The following SCAF11 variants were observed in gnomAD, a reference collection of about 807,000 sequenced individuals.
SCAF11 encodes SR-related CTD associated factor 11, also known as protein SCAF11.
SCAF11 carries 47 observed loss-of-function variants against 140.5 expected under a neutral mutation model. That is an observed-to-expected ratio of 0.33 (90% CI 0.26 to 0.43). The LOEUF (loss-of-function observed/expected upper bound fraction) is 0.43, where lower values mean the gene tolerates loss of function less well. SCAF11 is among the 20% of genes least tolerant of loss of function. SCAF11 has a pLI of 1.00. For synonymous variants in SCAF11, 557 were observed against 579.4 expected, an observed-to-expected ratio of 0.96 and a Z score of 0.55; for missense variants, 1,645 against 1,705.1, an observed-to-expected ratio of 0.96 and a Z score of 0.62.
At chr12:45,978,508 G>A (rs577173999) in intron 1 of SCAF11, among the ~76,000 whole-genome samples, 1 of 152,230 alleles carries the variant, frequency 6.6e-6, no homozygotes, top group East Asian at 1.9e-4. Flanking sequence ...AAAAGCAAAA[G>A]AGCAGTGAGA....
intron 3 of SCAF11, among the ~76,000 whole-genome samples, chr12:45,958,772 G>A (rs1170816193): frequency 3.3e-5 from 5 of 152,266 alleles, no homozygotes; most frequent in Non-Finnish European, 5.9e-5. Flanking sequence ...AGAGGATTCT[G>A]ACATACCCAA....
intron 1 of SCAF11, among the ~76,000 whole-genome samples, chr12:45,986,091 T>C (rs963037741): frequency 2.0e-5 from 3 of 152,170 alleles, no homozygotes; most frequent in Non-Finnish European, 2.9e-5. Context: ...TAGGCCTTTT[T>C]TCCCCCAAGT....
intron 5 of SCAF11, among the ~76,000 whole-genome samples, 186 bp downstream of exon 5, chr12:45,948,251 A>G (rs1945470893): frequency 6.6e-6 from 1 of 152,080 alleles, no homozygotes; most frequent in Admixed American, 6.6e-5. Flanking sequence ...TTCTTCACCA[A>G]AAACAGAGTA....
Position 45,961,783 on chromosome 12 carries a change from T to A in SCAF11, c.136A>T (p.Asn46Tyr), listed in dbSNP as rs561166281. The change falls in exon 3 of 15, where the codon AAT becomes TAT. Residue 46 changes from asparagine to tyrosine, a missense_variant. Physicochemically the swap from Asn to Tyr is moderately radical, Grantham distance 143. This residue lies in a region of SCAF11 where 1,582 missense variants were observed against 1,609.2 expected (regional missense o/e 0.98). Coordinates refer to ENST00000369367, the MANE Select transcript of SCAF11 (RefSeq NM_004719.3). ...SEADRCPICL[N>Y]CLLEKEVGFP... ...CCAACTTCCTTTTCTAATAGACAAT[T>A]AAGACATATTGGGCATCTGTCAGCC... 3 of 1,612,952 alleles carry A rather than the reference T, an allele frequency of 1.9e-6. No homozygotes were observed. In the African/African-American group the frequency reaches 4.0e-5, roughly 22 times the overall value.
At chr12:45,974,420 C>T (rs1266677616) in intron 1 of SCAF11, 1 of 328,906 alleles carries the variant, frequency 3.0e-6, no homozygotes, top group East Asian at 7.6e-5. Context: ...TGCTATTTGA[C>T]AGCATTTTAT....
At chr12:45,940,231 T>C (rs1945265732) in intron 6 of SCAF11, among the ~76,000 whole-genome samples, 1 of 152,196 alleles carries the variant, frequency 6.6e-6, no homozygotes, top group Non-Finnish European at 1.5e-5. Context: ...ATTTATGACC[T>C]TTAACCTGAA....
intron 5 of SCAF11, 127 bp downstream of exon 5, chr12:45,948,310 C>T: frequency 1.6e-6 from 1 of 623,544 alleles, no homozygotes; most frequent in Non-Finnish European, 2.8e-6. Flanking sequence ...CTTAAATTAT[C>T]AAGTGTGTGC....
At chr12:45,937,474 C>T (rs1257266044) in intron 6 of SCAF11, among the ~76,000 whole-genome samples, 1 of 152,084 alleles carries the variant, frequency 6.6e-6, no homozygotes, top group Non-Finnish European at 1.5e-5. Context: ...TGTTGATTTT[C>T]CTCAAACATC....
chr12:45,957,851 T>G (rs1206693206), intron 3 of SCAF11, among the ~76,000 whole-genome samples: 1 of 152,154 alleles, frequency 6.6e-6, no homozygotes, highest in Non-Finnish European at 1.5e-5. Context: ...AAGGGCCAAA[T>G]TTTTAATCAC....
intron 1 of SCAF11, among the ~76,000 whole-genome samples, chr12:45,984,820 A>G (rs935626201): frequency 2.7e-5 from 4 of 150,654 alleles, no homozygotes; most frequent in Non-Finnish European, 4.4e-5. Context: ...TCAGCCTCCC[A>G]TGTAGCTGGG....
At chr12:45,957,757 T>TC (rs1945727005) in intron 3 of SCAF11, among the ~76,000 whole-genome samples, 2 of 152,178 alleles carry the variant, frequency 1.3e-5, no homozygotes, top group Admixed American at 6.5e-5. Flanking sequence ...AACATCCTCA[T>TC]CACATATACT....
chr12:45,988,617 T>C (rs971544407), intron 1 of SCAF11, among the ~76,000 whole-genome samples: 5 of 152,236 alleles, frequency 3.3e-5, no homozygotes, highest in African/African-American at 9.6e-5. Flanking sequence ...TAAAATTTTC[T>C]CCATGACATG....
Position 45,926,628 on chromosome 12 carries a change from T to C in SCAF11, c.3073A>G (p.Thr1025Ala), listed in dbSNP as rs745729924. The C allele has an allele frequency of 4.3e-6, 7 of 1,614,082 alleles. No individual in the cohort carries two copies. In the South Asian group the frequency reaches 7.7e-5, roughly 18 times the overall value. Residue 1025 changes from threonine to alanine, a missense_variant, in exon 11 of 15, where the codon ACA (threonine) becomes GCA (alanine). By Grantham distance (58) the Thr-to-Ala change is moderately conservative. Around this residue, in one of 2 missense-constraint regions of SCAF11, gnomAD observed 1,582 missense variants for 1,609.2 expected, o/e 0.98. Transcript: ENST00000369367. ...TCAGGCCCAGAGTTTATTTTTTCTG[T>C]TATCCAATTGGGACAGTCATTTCTA... The part of the protein sequence containing the change: ...KHRNDCPNWI[T>A]EKINSGPDPR...
At chr12:45,990,585 C>T (rs988541848), upstream of SCAF11, 19 of 1,230,188 alleles carry the variant, frequency 1.5e-5, no homozygotes, top group Non-Finnish European at 1.8e-5. Flanking sequence ...CCCCTTCCCC[C>T]GCCTTGTCTA....
intron 1 of SCAF11, among the ~76,000 whole-genome samples, chr12:45,989,065 C>T (rs903144016): frequency 6.6e-6 from 1 of 152,068 alleles, no homozygotes; most frequent in African/African-American, 2.4e-5. Context: ...CATGATCAAG[C>T]CAACTGCCAA....
At chr12:45,933,091 T>C (rs775515769) in intron 9 of SCAF11, 40 bp downstream of exon 9, 4 of 1,319,908 alleles carry the variant, frequency 3.0e-6, no homozygotes, top group African/African-American at 1.4e-5. Flanking sequence ...TTGTTCATGT[T>C]AGCATGTAAA....
chr12:45,948,289 G>T, intron 5 of SCAF11, 148 bp downstream of exon 5: 1 of 567,532 alleles, frequency 1.8e-6, no homozygotes, highest in Non-Finnish European at 3.1e-6. Flanking sequence ...TCAGATTTCA[G>T]CTAGTCCCTC....
At position 45,922,148 on chromosome 12, in the gene SCAF11, T is replaced by C. The variant is rs780612038; in HGVS notation, c.4292A>G (p.Asn1431Ser). ...TTTGTCTACATAGGCTTTAACCAGATTTGCCACTTTAGTAGAATTTACTTC... is the reference window on the plus strand; with the variant it reads ...TTTGTCTACATAGGCTTTAACCAGACTTGCCACTTTAGTAGAATTTACTTC... ...SGEVNSTKVA[N>S]LVKAYVDKYK... Residue 1431 changes from asparagine to serine, a missense_variant, in exon 15 of 15, where the codon AAT becomes AGT. Physicochemically the swap from Asn to Ser is conservative, Grantham distance 46. Transcript: ENST00000369367. 1.9e-6 allele frequency: 3 copies of C among 1,613,316 alleles called. No homozygotes were observed. The highest frequency in any genetic ancestry group is 1.7e-5 in the Admixed American group (1 of 59,880).
rs1019297157 is a variant in SCAF11 at position 45,921,411 on chromosome 12, C to T, written c.*637G>A. On this transcript the variant is annotated 3_prime_UTR_variant, in exon 15 of 15. Coordinates refer to ENST00000369367, the MANE Select transcript of SCAF11 (RefSeq NM_004719.3). ...GGTAAACAAAGGCACAAAAGAAAAA[C>T]AAGCAGCATAACCTTTATTTGGTCA... 5 of 152,526 alleles carry T rather than the reference C, an allele frequency of 3.3e-5. No individual in the cohort carries two copies. The highest frequency in any genetic ancestry group is 1.2e-4 in the African/African-American group (5 of 41,418). 9.4% of individuals were successfully genotyped at this position (152,526 alleles called of 1,614,324 possible).
Sources: allele counts gnomAD v4.1 joint callset (sites outside exome capture counted in the v4.1 genomes callset), GRCh38; gene constraint gnomAD v4.1.1; regional missense constraint gnomAD v4.1.1; transcripts MANE v1.5; gene names NCBI Gene and HGNC (gene_info 2026-07-23, HGNC 2026-07-21).